Variants in ANK3 observed in about 807,000 individuals in gnomAD.
ANK3 encodes the protein ankyrin-3.
A neutral mutation model predicts 370.9 loss-of-function variants in ANK3; 57 were observed. That is an observed-to-expected ratio of 0.15 (90% confidence interval 0.12 to 0.19). ANK3 has a LOEUF of 0.19. Ranked by LOEUF, ANK3 falls within the 10% of genes least tolerant of loss-of-function variation. The pLI is 1.00. For missense variants in ANK3, 4,439 were observed against 5,302.1 expected, an observed-to-expected ratio of 0.84 and a Z score of 5.06; for synonymous variants, 1,929 against 1,946.3, an observed-to-expected ratio of 0.99 and a Z score of 0.23.
In ANK3 at chr10:60,072,831, C is replaced by T; in HGVS notation, c.8050G>A (p.Asp2684Asn). ...EKMVLSQQTE[D>N]SKSTVEAKGS... ...TTGGCTTCCACTGTGGACTTGCTGT[C>T]CTCAGTCTGTTGGGAGAGAACCATC... Residue 2684 changes from aspartate (D) to asparagine (N), a missense_variant, in exon 37 of 44, where the codon GAC becomes AAC. Transcript: ENST00000280772. The T allele has an allele frequency of 1.2e-6, 2 of 1,614,116 alleles. No homozygotes were observed. The highest frequency in any genetic ancestry group is 2.2e-5 in the South Asian group (2 of 91,080).
intron 7 of ANK3, among the ~76,000 whole-genome samples, chr10:60,235,429 T>C (rs1207799180): frequency 6.6e-6 from 1 of 152,206 alleles, no homozygotes; most frequent in African/African-American, 2.4e-5. Context: ...TGTGTTCTCC[T>C]TGATTTCAGT....
rs560252972 is a variant in ANK3, at chr10:60,060,035, T to A, written c.12596-605A>T. ...TGGAAGACAGTACATTTGGACTGAC[T>A]GGAATGAATTAGAATACATCAAACA... On this transcript the variant is annotated intron_variant, in intron 40 of 43. Coordinates refer to ENST00000280772, the MANE Select transcript of ANK3 (RefSeq NM_020987.5). 78 of 1,508,594 alleles carry A rather than the reference T, an allele frequency of 5.2e-5. 1 individual carries two copies. In the South Asian group the frequency reaches 1.0e-3, roughly 20 times the overall value. The allele number at this position is 1,508,594 out of a possible 1,614,324, so 93.5% of individuals were successfully genotyped here.
At chr10:60,105,286 C>T (rs2132083917) in intron 28 of ANK3, among the ~76,000 whole-genome samples, 1 of 151,962 alleles carries the variant, frequency 6.6e-6, no homozygotes, top group Admixed American at 6.5e-5. Flanking sequence ...CCAATGTCTA[C>T]TAAGAAAAAT....
At chr10:60,551,671 G>A (rs2077090975) in intron 2 of ANK3, among the ~76,000 whole-genome samples, 1 of 152,090 alleles carries the variant, frequency 6.6e-6, no homozygotes, top group Non-Finnish European at 1.5e-5. Flanking sequence ...AATTATGACT[G>A]AATTGATTAT....
At chr10:60,516,425 G>T (rs1053268130) in intron 2 of ANK3, among the ~76,000 whole-genome samples, 1 of 152,120 alleles carries the variant, frequency 6.6e-6, no homozygotes, top group African/African-American at 2.4e-5. Flanking sequence ...GAGGGACAGA[G>T]TGGTGGGAAA....
In ANK3 at chr10:60,475,534, A is replaced by G. The variant is rs116396745; in HGVS notation, c.96+139652T>C. On this transcript the variant is annotated intron_variant, in intron 2 of 43. Transcript: ENST00000373827. ...GAAAAAGCATCTCTAGATCTGTATT[A>G]TACACAATTTTTCCTACCCCAAACA... Among the ~76,000 whole-genome samples, 1,116 of 152,338 alleles carry G rather than the reference A, an allele frequency of 7.3e-3. 15 individuals carry two copies. The highest frequency in any genetic ancestry group is 0.025 in the African/African-American group (1,052 of 41,582).
chr10:60,696,130 G>A (rs933525309), intron 1 of ANK3, among the ~76,000 whole-genome samples: 4 of 150,176 alleles, frequency 2.7e-5, no homozygotes, highest in African/African-American at 7.4e-5. Context: ...ACACCTCTAT[G>A]CAAATAAACT....
chr10:60,072,781 T>C lies in ANK3; in HGVS notation c.8100A>G (p.Ala2700=). Residue 2700 remains alanine, a synonymous_variant, in exon 37 of 44, where the codon GCA becomes GCG. Transcript: ENST00000280772. ...EAKGSISQSK[A]PDGPQSGFQL... is the part of the protein sequence containing the mutation. ...GGAATCCAGACTGGGGCCCATCTGGTGCTTTGCTCTGTGAAATACTTCCTT... is the reference window on the plus strand; with the variant it reads ...GGAATCCAGACTGGGGCCCATCTGGCGCTTTGCTCTGTGAAATACTTCCTT... 6.2e-7 allele frequency: 1 copy of C among 1,614,136 alleles called. No homozygotes were observed. The highest frequency in any genetic ancestry group is 8.5e-7 in the Non-Finnish European group (1 of 1,180,008).
At chr10:60,497,757 A>G (rs2133135229) in intron 2 of ANK3, among the ~76,000 whole-genome samples, 1 of 152,304 alleles carries the variant, frequency 6.6e-6, no homozygotes, top group East Asian at 1.9e-4. Context: ...AGTTTTAAAA[A>G]GCTACTCAGA....
chr10:60,505,437 A>T (rs1447535454), intron 2 of ANK3, among the ~76,000 whole-genome samples: 3 of 152,134 alleles, frequency 2.0e-5, no homozygotes, highest in African/African-American at 7.2e-5. Flanking sequence ...CTACCAAGAT[A>T]TATTTTGTCT....
intron 1 of ANK3, among the ~76,000 whole-genome samples, chr10:60,354,453 A>T (rs2057416702): frequency 6.6e-6 from 1 of 152,240 alleles, no homozygotes; most frequent in South Asian, 2.1e-4. Flanking sequence ...TGCTTTCATT[A>T]CCACAAAAAA....
chr10:60,420,998 C>T (rs540923321), intron 2 of ANK3, among the ~76,000 whole-genome samples: 25 of 152,146 alleles, frequency 1.6e-4, no homozygotes, highest in Non-Finnish European at 2.4e-4. Context: ...TAATTACATA[C>T]GATGAATACT....
chr10:60,324,243 G>A (rs2049294864), intron 1 of ANK3, among the ~76,000 whole-genome samples: 1 of 152,206 alleles, frequency 6.6e-6, no homozygotes, highest in African/African-American at 2.4e-5. Flanking sequence ...CTTAGACATG[G>A]ACAGTTGGTG....
chr10:60,455,912 T>C (rs1215749720), intron 2 of ANK3, among the ~76,000 whole-genome samples: 1 of 152,194 alleles, frequency 6.6e-6, no homozygotes. Context: ...TGAAGGTATG[T>C]ACAATGAGAT....
At chr10:60,049,742 G>C (rs992145702) in intron 42 of ANK3, among the ~76,000 whole-genome samples, 3 of 152,252 alleles carry the variant, frequency 2.0e-5, no homozygotes, top group Admixed American at 6.5e-5. Flanking sequence ...CTTACTCTAA[G>C]AAAATTACTT....
intron 2 of ANK3, among the ~76,000 whole-genome samples, chr10:60,511,320 C>T (rs543799831): frequency 2.0e-5 from 3 of 151,926 alleles, no homozygotes; most frequent in Admixed American, 6.6e-5. Flanking sequence ...AACTTTTAGC[C>T]GTGAAAGGAT....
chr10:60,424,866 T>C (rs764363626), intron 2 of ANK3, among the ~76,000 whole-genome samples: 2 of 152,080 alleles, frequency 1.3e-5, no homozygotes, highest in Non-Finnish European at 2.9e-5. Context: ...TGGTAAACAA[T>C]GAAATTTAAA....
chr10:60,655,575 T>A (rs1313179417), intron 1 of ANK3, among the ~76,000 whole-genome samples: 4 of 152,058 alleles, frequency 2.6e-5, no homozygotes, highest in African/African-American at 4.8e-5. Context: ...ACATCAAAAA[T>A]TTTTTTAAAA....
chr10:60,549,779 G>A (rs1368143374), intron 2 of ANK3, among the ~76,000 whole-genome samples: 2 of 152,096 alleles, frequency 1.3e-5, no homozygotes, highest in Admixed American at 6.5e-5. Context: ...GAGATCCAAA[G>A]CAGTACATAT....
Sources: gnomAD v4.1 joint callset for allele counts (sites outside exome capture counted in the v4.1 genomes callset) on GRCh38, gnomAD v4.1.1 for gene constraint, MANE v1.5 for transcripts, NCBI Gene and HGNC (gene_info 2026-07-23, HGNC 2026-07-21) for gene names.